SLC24A5: variants seen among roughly 807,000 people sequenced by gnomAD.
SLC24A5 encodes sodium/potassium/calcium exchanger 5.
In SLC24A5, 46 loss-of-function variants were observed where a neutral mutation model predicts 51.6. The observed-to-expected ratio is 0.89, with a 90% CI of 0.70 to 1.14. The LOEUF is 1.14. Ranked by LOEUF, SLC24A5 falls within the 50% of genes most tolerant of loss-of-function variation. SLC24A5 has a pLI of 0.00. For synonymous variants in SLC24A5, 230 were observed against 214.9 expected, an observed-to-expected ratio of 1.07 and a Z score of -0.62; for missense variants, 581 against 604.1, an observed-to-expected ratio of 0.96 and a Z score of 0.40.
Position 48,142,456 on chromosome 15 carries a change from T to A in SLC24A5, c.*105T>A. 1 of 903,740 alleles carries A rather than the reference T, an allele frequency of 1.1e-6. No homozygotes were observed. Among genetic ancestry groups the A allele is most frequent in the Non-Finnish European group, 1.6e-6 (1 of 639,858 alleles). The allele number at this position is 903,740 out of a possible 1,614,324, so 56.0% of individuals were successfully genotyped here. A position where few individuals can be genotyped will look rare whatever the true frequency, so the allele number is the denominator to read the frequency against. On this transcript the variant is annotated 3_prime_UTR_variant, in exon 9 of 9. Transcript: ENST00000341459. ...ATTTTAAAAATCTTGAACCTTAGAA[T>A]CTAAAACTTACAGTAATTTAAAACC...
At chr15:48,124,136 G>A (rs2038707332) in intron 2 of SLC24A5, 1 of 151,946 alleles carries the variant, frequency 6.6e-6, no homozygotes, top group Non-Finnish European at 1.5e-5. Context: ...AATATTTTAA[G>A]TAAATTTGTA....
At chr15:48,125,870 G>A (rs2038725634) in intron 2 of SLC24A5, among the ~76,000 whole-genome samples, 1 of 152,110 alleles carries the variant, frequency 6.6e-6, no homozygotes, top group Non-Finnish European at 1.5e-5. Flanking sequence ...AGAATACAAT[G>A]GAAGGATTGG....
chr15:48,125,897 C>T (rs1319250760), intron 2 of SLC24A5, among the ~76,000 whole-genome samples: 2 of 152,090 alleles, frequency 1.3e-5, no homozygotes, highest in Non-Finnish European at 2.9e-5. Flanking sequence ...CCTGTCCCAC[C>T]CCAGCCCCAC....
intron 2 of SLC24A5, among the ~76,000 whole-genome samples, chr15:48,125,374 A>G (rs571774053): frequency 3.2e-4 from 48 of 151,974 alleles, no homozygotes; most frequent in Non-Finnish European, 5.7e-4. Flanking sequence ...CTGATGAGGA[A>G]GCCAAGGCTG....
chr15:48,121,237 GACA>G, intron 1 of SLC24A5, 72 bp downstream of exon 1: 1 of 1,476,158 alleles, frequency 6.8e-7, no homozygotes, highest in Non-Finnish European at 9.0e-7. Context: ...CAGATGAAGG[GACA>G]AAAAGAGGAA....
chr15:48,133,112 T>C (rs1322640319), intron 2 of SLC24A5, among the ~76,000 whole-genome samples: 2 of 151,508 alleles, frequency 1.3e-5, no homozygotes, highest in African/African-American at 4.9e-5. Context: ...TGACAGGGAG[T>C]CAACCAAGCA....
chr15:48,130,600 G>C (rs932937674), intron 2 of SLC24A5, among the ~76,000 whole-genome samples: 5 of 152,102 alleles, frequency 3.3e-5, no homozygotes, highest in African/African-American at 1.2e-4. Context: ...TGTTTGGGCA[G>C]TTATTTTAAG....
intron 2 of SLC24A5, among the ~76,000 whole-genome samples, chr15:48,129,135 G>A (rs2038762779): frequency 6.6e-6 from 1 of 151,926 alleles, no homozygotes; most frequent in African/African-American, 2.4e-5. Context: ...CTTTTTCGGT[G>A]GAATCAGCCT....
chr15:48,133,995 T>A lies in SLC24A5; in HGVS notation c.302-263T>A, dbSNP rs538332841. On this transcript the variant is annotated intron_variant, in intron 2 of 8. Coordinates refer to ENST00000341459, the MANE Select transcript of SLC24A5 (RefSeq NM_205850.3). ...TACAAGCCCTCTGCCTCTGAACGCT[T>A]TTCTGGGTTCCAAATAACCCTATGT... Among the ~76,000 whole-genome samples, 6 of 152,248 alleles carry A rather than the reference T, an allele frequency of 3.9e-5. No homozygotes were observed. In the East Asian group the frequency reaches 1.2e-3, roughly 29 times the overall value.
chr15:48,123,231 C>A (rs2038697830), intron 2 of SLC24A5: 1 of 151,536 alleles, frequency 6.6e-6, no homozygotes, highest in Admixed American at 6.6e-5. Flanking sequence ...CAAACATATG[C>A]TTTTATCTTG....
At position 48,122,211 on chromosome 15, in the gene SLC24A5, A is replaced by G. The variant is rs191207217; in HGVS notation, c.301+175A>G. ...CTGGTCGAGTGTGGTTTCTCTTGGT[A>G]GTTAATGTGAATCAGAGTTTCTTCA... is the stretch of plus-strand genomic sequence containing the variant. On this transcript the variant is annotated intron_variant, in intron 2 of 8. Transcript: ENST00000341459. 73 of 659,726 alleles carry G rather than the reference A, an allele frequency of 1.1e-4. No homozygotes were observed. The African/African-American group carries it at 1.2e-3, about 11-fold the overall frequency. The allele number at this position is 659,726 out of a possible 1,614,324, so 40.9% of individuals were successfully genotyped here.
In SLC24A5 at chr15:48,136,725, T is replaced by C. The variant is rs1198069450; in HGVS notation, c.633T>C (p.Val211=). ...ALLLLIYGLY[V]LVLCFDIKIN... ...TGCTTTTGATATATGGATTGTATGT[T>C]TTGGTGCTGTGTTTTGACATTAAAA... Residue 211 remains valine (V), a synonymous_variant, in exon 6 of 9, where the codon GTT becomes GTC. Transcript: ENST00000341459. 19 of 1,613,448 alleles carry C rather than the reference T, an allele frequency of 1.2e-5. No individual in the cohort carries two copies. The highest frequency in any genetic ancestry group is 1.6e-5 in the Non-Finnish European group (19 of 1,179,700).
In SLC24A5 at chr15:48,141,156, A is replaced by G. The variant is rs776435641; in HGVS notation, c.1122A>G (p.Leu374=). Reference sequence around the variant, plus strand: ...CCGATACAGTAATGGGCCTTACTTTATTAGCAGCAGGAACAAGCATACCAG... The same window carrying G: ...CCGATACAGTAATGGGCCTTACTTTGTTAGCAGCAGGAACAAGCATACCAG... The part of the protein sequence containing the change: ...EIPDTVMGLT[L]LAAGTSIPDT... The change falls in exon 8 of 9, where the codon TTA becomes TTG. Residue 374 remains leucine, a synonymous_variant. Transcript: ENST00000341459. The G allele has an allele frequency of 1.2e-6, 2 of 1,613,984 alleles. No individual in the cohort carries two copies. Among genetic ancestry groups the G allele is most frequent in the East Asian group, 4.5e-5 (2 of 44,882 alleles).
At chr15:48,137,452 C>T (rs2038929831) in intron 6 of SLC24A5, 1 of 152,242 alleles carries the variant, frequency 6.6e-6, no homozygotes, top group Non-Finnish European at 1.5e-5. Flanking sequence ...ATCTTAAATG[C>T]TATTTTAAGA....
chr15:48,136,564 T>C, intron 5 of SLC24A5, 119 bp from the exon 6 acceptor site: 1 of 902,422 alleles, frequency 1.1e-6, no homozygotes, highest in South Asian at 2.1e-5. Flanking sequence ...TATCTAGAAA[T>C]GTTTGATTGT....
At chr15:48,123,631 A>G (rs1489038288) in intron 2 of SLC24A5, 1 of 152,164 alleles carries the variant, frequency 6.6e-6, no homozygotes, top group Non-Finnish European at 1.5e-5. Context: ...CTCATTGGAC[A>G]TTTGGCCTGT....
chr15:48,135,098 C>A, intron 5 of SLC24A5, 114 bp downstream of exon 5: 1 of 710,572 alleles, frequency 1.4e-6, no homozygotes, highest in Non-Finnish European at 2.4e-6. Context: ...ACTTCTATAC[C>A]ATATTCCAAC....
intron 6 of SLC24A5, chr15:48,138,767 T>C (rs1567228790): frequency 3.7e-6 from 2 of 534,698 alleles, no homozygotes. Context: ...AAATGCGGAG[T>C]ATCACATCTT....
intron 2 of SLC24A5, among the ~76,000 whole-genome samples, chr15:48,128,323 A>G (rs2038753152): frequency 6.6e-6 from 1 of 152,150 alleles, no homozygotes; most frequent in Non-Finnish European, 1.5e-5. Flanking sequence ...TAACCTCTCT[A>G]CCACACTGAT....
Sources: allele counts gnomAD v4.1 joint callset (sites outside exome capture counted in the v4.1 genomes callset), GRCh38; gene constraint gnomAD v4.1.1; transcripts MANE v1.5; gene names NCBI Gene and HGNC (gene_info 2026-07-23, HGNC 2026-07-21).